UACA: variants seen among roughly 807,000 people sequenced by gnomAD.
The protein encoded by UACA is nuclear membrane binding protein.
In UACA, 112 loss-of-function variants were observed where a neutral mutation model predicts 160.5. The observed-to-expected ratio is 0.70, with a 90% CI of 0.60 to 0.82. UACA has a LOEUF of 0.82. Ranked by LOEUF, UACA falls within the 40% of genes least tolerant of loss-of-function variation. The pLI, the probability that UACA is intolerant of heterozygous loss-of-function variation, is 0.00. For missense variants in UACA, 1,574 were observed against 1,614.6 expected (o/e 0.97, Z 0.43); for synonymous variants, 557 against 568.4 (o/e 0.98, Z 0.29).
At position 70,702,078 on chromosome 15, in the gene UACA, G is replaced by A. The variant is rs558941038; in HGVS notation, c.79-2418C>T. On this transcript the variant is annotated intron_variant, in intron 1 of 18. Coordinates refer to ENST00000322954, the MANE Select transcript of UACA (RefSeq NM_018003.4). ...TTGGATCTCTAACGATATTTTCTTC[G>A]TCTTCAGGATCCTTCTCCGCCTTCA... 238 of 1,366,254 alleles carry A rather than the reference G, an allele frequency of 1.7e-4. 3 individuals are homozygous for A. The South Asian group carries it at 3.4e-3, about 19-fold the overall frequency. 84.6% of individuals were successfully genotyped at this position (1,366,254 alleles called of 1,614,324 possible).
intron 7 of UACA, among the ~76,000 whole-genome samples, chr15:70,685,640 C>T (rs1039258169): frequency 2.6e-5 from 4 of 152,146 alleles, no homozygotes; most frequent in Non-Finnish European, 5.9e-5. Context: ...ATACAATATA[C>T]ACTGCCCTGC....
intron 7 of UACA, among the ~76,000 whole-genome samples, chr15:70,684,757 C>T (rs551522676): frequency 1.4e-4 from 21 of 152,070 alleles, no homozygotes; most frequent in African/African-American, 5.1e-4. Flanking sequence ...AGACATGCTC[C>T]CTTCTTGAAG....
At chr15:70,701,805 C>T in intron 1 of UACA, 1 of 1,377,906 alleles carries the variant, frequency 7.3e-7, no homozygotes, top group Admixed American at 2.1e-5. Flanking sequence ...AACAGTAGTG[C>T]ATTTTAAAAG....
At chr15:70,753,845 G>C (rs564874590) in intron 1 of UACA, among the ~76,000 whole-genome samples, 2 of 152,120 alleles carry the variant, frequency 1.3e-5, no homozygotes, top group Non-Finnish European at 2.9e-5. Flanking sequence ...TCGCTCCATC[G>C]CCCAGGCTGG....
At chr15:70,774,139 T>A in the UACA span, among the ~76,000 whole-genome samples, 1 of 152,210 alleles carries the variant, frequency 6.6e-6, no homozygotes, top group African/African-American at 2.4e-5. Flanking sequence ...TGTGCTAAGT[T>A]CTTTACATGT....
chr15:70,689,929 C>T (rs1439068941), intron 5 of UACA, among the ~76,000 whole-genome samples: 3 of 152,030 alleles, frequency 2.0e-5, no homozygotes, highest in Non-Finnish European at 4.4e-5. Flanking sequence ...AAACAACTAC[C>T]ACCATTAATT....
chr15:70,763,179 G>A (rs926795162), intron 1 of UACA, 151 bp downstream of exon 1: 18 of 834,338 alleles, frequency 2.2e-5, no homozygotes, highest in African/African-American at 7.1e-5. Context: ...TGGGCTGACG[G>A]AGTCTCCGGC....
In UACA at chr15:70,676,522, C is replaced by T. The variant is rs184375610; in HGVS notation, c.1102G>A (p.Ala368Thr). 1 of 1,612,272 alleles carries T rather than the reference C, an allele frequency of 6.2e-7. No individual in the cohort carries two copies. Among genetic ancestry groups the T allele is most frequent in the African/African-American group, 1.3e-5 (1 of 74,994 alleles). ...AAATATTTAAATCTATTTTTCAGAG[C>T]CTCAATAGTCCTTAAGCTTTCTTCA... ...QHEESLRTIEALKNRFKYFES... is the reference protein window; with the variant it reads ...QHEESLRTIETLKNRFKYFES... Residue 368 changes from alanine (A) to threonine (T), a missense_variant, in exon 13 of 19, where the codon GCT becomes ACT. Coordinates refer to ENST00000322954, the MANE Select transcript of UACA (RefSeq NM_018003.4).
chr15:70,692,943 C>A (rs539982550), intron 3 of UACA, among the ~76,000 whole-genome samples: 49 of 152,274 alleles, frequency 3.2e-4, no homozygotes, highest in Admixed American at 7.2e-4. Flanking sequence ...GAGTCCAGGT[C>A]TTTCAGGTTT....
chr15:70,766,406 T>C (rs1436524830), upstream of UACA, among the ~76,000 whole-genome samples: 3 of 152,188 alleles, frequency 2.0e-5, no homozygotes. Flanking sequence ...TTGTTTGTTA[T>C]CACACTGAGC....
At chr15:70,744,283 G>C (rs1201001119) in intron 1 of UACA, among the ~76,000 whole-genome samples, 1 of 150,416 alleles carries the variant, frequency 6.6e-6, no homozygotes, top group African/African-American at 2.5e-5. Context: ...GAAAAACTAG[G>C]ATGAAGGATA....
intron 17 of UACA, among the ~76,000 whole-genome samples, chr15:70,661,864 A>C (rs1159912778): frequency 7.2e-5 from 11 of 152,208 alleles, no homozygotes; most frequent in African/African-American, 2.7e-4. Flanking sequence ...CGTATCTCAA[A>C]ATAATAAGAG....
intron 1 of UACA, among the ~76,000 whole-genome samples, chr15:70,739,980 T>C (rs952315776): frequency 6.6e-6 from 1 of 152,112 alleles, no homozygotes; most frequent in Non-Finnish European, 1.5e-5. Flanking sequence ...AAAACTGCTG[T>C]AAAAAACAAC....
intron 17 of UACA, among the ~76,000 whole-genome samples, chr15:70,662,983 A>G (rs1896768962): frequency 6.6e-6 from 1 of 151,634 alleles, no homozygotes; most frequent in Non-Finnish European, 1.5e-5. Flanking sequence ...CACCAAAAGC[A>G]ATGGCAACAA....
chr15:70,695,139 A>C, intron 2 of UACA, 34 bp from the exon 3 acceptor site: 1 of 1,512,032 alleles, frequency 6.6e-7, no homozygotes, highest in Non-Finnish European at 9.0e-7. Context: ...TGTGCTAAGG[A>C]AACAACCAAA....
At chr15:70,661,781 AAGACCCC>A (rs2140886674) in intron 17 of UACA, 1 of 152,240 alleles carries the variant, frequency 6.6e-6, no homozygotes, top group East Asian at 1.9e-4. Context: ...AGCCACATAG[AAGACCCC>A]ATCTTTTGAC....
chr15:70,709,808 AG>A (rs1595903432), intron 1 of UACA, among the ~76,000 whole-genome samples: 1 of 152,366 alleles, frequency 6.6e-6, no homozygotes, highest in East Asian at 1.9e-4. Context: ...TTTAATGGCT[AG>A]TCAACAAATC....
rs538660280 is a variant in UACA, at chr15:70,670,960, C to T, written c.1221+79G>A. 11 of 813,518 alleles carry T rather than the reference C, an allele frequency of 1.4e-5. No homozygotes were observed. In the South Asian group the frequency reaches 2.0e-4, roughly 15 times the overall value. The allele number at this position is 813,518 out of a possible 1,614,324, so 50.4% of individuals were successfully genotyped here. A position where few individuals can be genotyped will look rare whatever the true frequency, so the allele number is the denominator to read the frequency against. On this transcript the variant is annotated intron_variant, in intron 15 of 18. Transcript: ENST00000322954. The stretch of plus-strand genomic sequence containing the variant: ...ATGTATATATACTTAATGTACAATG[C>T]CGCTTTCTCCTCTCTTTATAAAGGC...
chr15:70,671,025 AAAAC>A lies in UACA; in HGVS notation c.1221+10_1221+13del, dbSNP rs1216427456. On this transcript the variant is annotated intron_variant, in intron 15 of 18. Transcript: ENST00000322954. ...TAAATGTTTTTTAAAATTAAAAAAA[AAAAC>A]AGTTATTACCTGTGAGTCTGCCATA... is the stretch of plus-strand genomic sequence containing the variant. 3 of 1,516,920 alleles carry A rather than the reference AAAAC, an allele frequency of 2.0e-6. No homozygotes were observed. The highest frequency in any genetic ancestry group is 2.6e-6 in the Non-Finnish European group (3 of 1,133,752). 94.0% of individuals were successfully genotyped at this position (1,516,920 alleles called of 1,614,324 possible). A position where few individuals can be genotyped will look rare whatever the true frequency, so the allele number is the denominator to read the frequency against.
Sources: gnomAD v4.1 joint callset for allele counts (sites outside exome capture counted in the v4.1 genomes callset) on GRCh38, gnomAD v4.1.1 for gene constraint, MANE v1.5 for transcripts, NCBI Gene and HGNC (gene_info 2026-07-23, HGNC 2026-07-21) for gene names.